PCDHGA2: variants seen among roughly 807,000 people sequenced by gnomAD.
PCDHGA2 encodes protocadherin gamma-A2.
In PCDHGA2, 40 loss-of-function variants were observed where a neutral mutation model predicts 59.2. The observed-to-expected ratio is 0.68, with a 90% CI of 0.52 to 0.88. The LOEUF (loss-of-function observed/expected upper bound fraction) is 0.88. PCDHGA2 is among the 40% of genes least tolerant of loss of function. The pLI, the probability that PCDHGA2 is intolerant of heterozygous loss-of-function variation, is 0.00. For synonymous variants in PCDHGA2, 560 were observed against 526.0 expected (o/e 1.06, Z -0.89); for missense variants, 1,226 against 1,204.0 (o/e 1.02, Z -0.27).
At chr5:141,464,422 TATAG>T (rs2099083887) in intron 1 of PCDHGA2, among the ~76,000 whole-genome samples, 1 of 151,672 alleles carries the variant, frequency 6.6e-6, no homozygotes, top group African/African-American at 2.4e-5. Context: ...TATCTATATA[TATAG>T]ATATATATGT....
chr5:141,421,125 C>G, intron 1 of PCDHGA2: 1 of 804,210 alleles, frequency 1.2e-6, no homozygotes, highest in Admixed American at 3.0e-5. Flanking sequence ...CCTTCGCTTT[C>G]TGATATATTT....
chr5:141,339,567 C>T lies in PCDHGA2; in HGVS notation c.596C>T (p.Ser199Phe). The T allele has an allele frequency of 1.2e-6, 2 of 1,614,174 alleles. No individual in the cohort carries two copies. Among genetic ancestry groups the T allele is most frequent in the Non-Finnish European group, 1.7e-6 (2 of 1,180,034 alleles). Reference sequence around the variant, plus strand: ...TACCCAGAACTGGTGCTGGAGCGCTCTCTGGACCGCGAGGAAGAGGCTGTT... The same window carrying T: ...TACCCAGAACTGGTGCTGGAGCGCTTTCTGGACCGCGAGGAAGAGGCTGTT... ...NKYPELVLER[S>F]LDREEEAVHH... is the part of the protein sequence containing the mutation. The change falls in exon 1 of 4, where the codon TCT (serine) becomes TTT (phenylalanine). Residue 199 changes from serine to phenylalanine, a missense_variant. Ser to Phe is a radical substitution (Grantham distance 155, BLOSUM62 -2). Coordinates refer to ENST00000394576, the MANE Select transcript of PCDHGA2 (RefSeq NM_018915.4).
At chr5:141,421,089 T>A (rs1047424267) in intron 1 of PCDHGA2, 25 of 661,836 alleles carry the variant, frequency 3.8e-5, no homozygotes, top group Middle Eastern at 4.1e-4. Context: ...TCACAGATCC[T>A]GACACTGGAG....
At chr5:141,396,515 G>A (rs1162905890) in intron 1 of PCDHGA2, 3 of 152,048 alleles carry the variant, frequency 2.0e-5, no homozygotes, top group Non-Finnish European at 4.4e-5. Flanking sequence ...AGCTACTCGG[G>A]AGGCTGAGGC....
intron 1 of PCDHGA2, among the ~76,000 whole-genome samples, chr5:141,458,247 C>T (rs758242859): frequency 4.6e-5 from 7 of 152,100 alleles, no homozygotes; most frequent in South Asian, 2.1e-4. Flanking sequence ...CAAAATGATA[C>T]GGCTCTGATG....
chr5:141,389,121 A>T (rs754294132), intron 1 of PCDHGA2: 2 of 1,613,910 alleles, frequency 1.2e-6, no homozygotes, highest in Non-Finnish European at 1.7e-6. Flanking sequence ...CCGCGAGCAG[A>T]ATCCAGAGTA....
rs140184617 is a variant in PCDHGA2, at chr5:141,405,523, G to A, written c.2424+64128G>A. ...CAACCTCCGCCTCCCAAATTCAAGC[G>A]ATTCTCCTGCCTCAGCCTCCCAAGT... is the stretch of plus-strand genomic sequence containing the variant. On this transcript the variant is annotated intron_variant, in intron 1 of 3. Transcript: ENST00000394576. 5.4e-4 allele frequency: 366 copies of A among 679,318 alleles called. 4 individuals carry two copies. In the East Asian group the frequency reaches 9.7e-3, roughly 18 times the overall value. The allele number at this position is 679,318 out of a possible 1,614,324, so 42.1% of individuals were successfully genotyped here.
chr5:141,389,343 T>TACTG, intron 1 of PCDHGA2: 1 of 1,613,992 alleles, frequency 6.2e-7, no homozygotes, highest in Non-Finnish European at 8.5e-7. Flanking sequence ...CCAAGTCTCT[T>TACTG]ACTGCATCAT....
At position 141,383,558 on chromosome 5, in the gene PCDHGA2, C is replaced by T. The variant is rs374657057; in HGVS notation, c.2424+42163C>T. Reference sequence around the variant, plus strand: ...CTCACAGCCTCTGATGGCGGCGACCCGCCCCGATCCAGCACCGCCCACATC... The same window carrying T: ...CTCACAGCCTCTGATGGCGGCGACCTGCCCCGATCCAGCACCGCCCACATC... On this transcript the variant is annotated intron_variant, in intron 1 of 3. Coordinates refer to ENST00000394576, the MANE Select transcript of PCDHGA2 (RefSeq NM_018915.4). 17 of 1,612,704 alleles carry T rather than the reference C, an allele frequency of 1.1e-5. No homozygotes were observed. The African/African-American group carries it at 2.0e-4, about 19-fold the overall frequency.
At chr5:141,386,476 G>A (rs2090588767) in intron 1 of PCDHGA2, among the ~76,000 whole-genome samples, 1 of 151,552 alleles carries the variant, frequency 6.6e-6, no homozygotes, top group African/African-American at 2.4e-5. Flanking sequence ...AAGAATTGGA[G>A]GCCCACCTAG....
In PCDHGA2 at chr5:141,489,091, T is replaced by TCAG. The variant is rs2099682519; in HGVS notation, c.2425-5716_2425-5715insCAG. On this transcript the variant is annotated intron_variant, in intron 1 of 3. Transcript: ENST00000394576. This position sits in a 1 kb window ranked among gnomAD's most constrained non-coding sequence, Gnocchi z 4.5. ...CTGCCCACCCCCGCCACTCGGTGACTAAGAACTGCTGCAAGCAGGCAAACC... is the reference window on the plus strand; with the variant it reads ...CTGCCCACCCCCGCCACTCGGTGACTCAGAAGAACTGCTGCAAGCAGGCAAACC... The TCAG allele has an allele frequency of 3.0e-6, 1 of 333,056 alleles. No individual in the cohort carries two copies. Among genetic ancestry groups the TCAG allele is most frequent in the Non-Finnish European group, 5.5e-6 (1 of 181,380 alleles). 20.6% of individuals were successfully genotyped at this position (333,056 alleles called of 1,614,324 possible). A position where few individuals can be genotyped will look rare whatever the true frequency, so the allele number is the denominator to read the frequency against.
At chr5:141,359,971 G>C (rs1203872365) in intron 1 of PCDHGA2, 1 of 696,752 alleles carries the variant, frequency 1.4e-6, no homozygotes, top group East Asian at 3.0e-5. Context: ...GAAGCGTTTG[G>C]GAGCCTCTTA....
In PCDHGA2 at chr5:141,490,028, G is replaced by A. The variant is rs752883792; in HGVS notation, c.2425-4779G>A. ...GCACCCATTGGTACTCTGCTGCTCC[G>A]CCTCAATGCCACTGATCCAGACGAG... On this transcript the variant is annotated intron_variant, in intron 1 of 3. Coordinates refer to ENST00000394576, the MANE Select transcript of PCDHGA2 (RefSeq NM_018915.4). The surrounding 1 kb of genome is among the most constrained non-coding windows in gnomAD (Gnocchi z 5.4). 20 of 1,614,070 alleles carry A rather than the reference G, an allele frequency of 1.2e-5. 1 individual carries two copies. Among genetic ancestry groups the A allele is most frequent in the South Asian group, 3.3e-5 (3 of 91,090 alleles).
chr5:141,476,264 G>T lies in PCDHGA2; in HGVS notation c.2425-18543G>T, dbSNP rs753184649. On this transcript the variant is annotated intron_variant, in intron 1 of 3. Coordinates refer to ENST00000394576, the MANE Select transcript of PCDHGA2 (RefSeq NM_018915.4). This position sits in a 1 kb window ranked among gnomAD's most constrained non-coding sequence, Gnocchi z 7.6. ...AGAGAAGGGTTTCGCTGTGGGCAAC[G>T]TGGTCGCGAACCTTGGTTTGGATCT... The T allele has an allele frequency of 5.0e-6, 8 of 1,613,964 alleles. No individual in the cohort carries two copies. In the African/African-American group the frequency reaches 8.0e-5, roughly 16 times the overall value.
At chr5:141,364,912 G>C (rs1763613717) in intron 1 of PCDHGA2, 1 of 1,613,966 alleles carries the variant, frequency 6.2e-7, no homozygotes, top group Non-Finnish European at 8.5e-7. Context: ...ATCCGGAGCT[G>C]GTGTTGGAAC....
At chr5:141,383,981 C>T in intron 1 of PCDHGA2, 3 of 1,613,792 alleles carry the variant, frequency 1.9e-6, no homozygotes, top group Non-Finnish European at 2.5e-6. Context: ...GAAGACACAC[C>T]TCTTGGGACA....
chr5:141,428,233 C>A, intron 1 of PCDHGA2: 1 of 1,049,106 alleles, frequency 9.5e-7, no homozygotes, highest in Non-Finnish European at 1.4e-6. Context: ...AGACAGCCTG[C>A]AGGAGGCACT....
rs144113016 is a variant in PCDHGA2 at position 141,428,135 on chromosome 5, G to T, written c.2425-66672G>T. On this transcript the variant is annotated intron_variant, in intron 1 of 3. Coordinates refer to ENST00000394576, the MANE Select transcript of PCDHGA2 (RefSeq NM_018915.4). Reference sequence around the variant, plus strand: ...CCATCGAGCCCGGGCTTTTCAGCCTGGGGCTGCACACGGGAACCTGCTGGT... The same window carrying T: ...CCATCGAGCCCGGGCTTTTCAGCCTTGGGCTGCACACGGGAACCTGCTGGT... 347 of 1,601,046 alleles carry T rather than the reference G, an allele frequency of 2.2e-4. No homozygotes were observed. The African/African-American group carries it at 3.9e-3, about 18-fold the overall frequency.
At chr5:141,394,948 T>C (rs753376472) in intron 1 of PCDHGA2, 1 of 1,613,884 alleles carries the variant, frequency 6.2e-7, no homozygotes, top group Admixed American at 1.7e-5. Context: ...GCTGTGCTTC[T>C]GGGGCTCAGG....
Sources: allele counts gnomAD v4.1 joint callset (sites outside exome capture counted in the v4.1 genomes callset), GRCh38; gene constraint gnomAD v4.1.1; non-coding constraint Gnocchi (gnomAD v3.1); transcripts MANE v1.5; gene names NCBI Gene and HGNC (gene_info 2026-07-23, HGNC 2026-07-21).